The following SQSTM1 variants were observed in gnomAD, a reference collection of about 807,000 sequenced individuals.
SQSTM1 encodes sequestosome 1.
A neutral mutation model predicts 45.1 loss-of-function variants in SQSTM1; 36 were observed. The ratio of observed to expected loss-of-function variants is 0.80; its 90% CI spans 0.61 to 1.05. The LOEUF (loss-of-function observed/expected upper bound fraction) is 1.05, where lower values mean the gene tolerates loss of function less well. Ranked by LOEUF, SQSTM1 falls within the 50% of genes least tolerant of loss-of-function variation. The probability of loss-of-function intolerance (pLI) is 0.00; values close to 1 mark genes in which losing one functional copy is unlikely to be tolerated. For missense variants in SQSTM1, 617 were observed against 607.1 expected (o/e 1.02, Z -0.17); for synonymous variants, 290 against 244.3 (o/e 1.19, Z -1.74).
Position 179,822,946 on chromosome 5 carries a change from T to G in SQSTM1, c.206-12T>G. 1 of 1,613,866 alleles carries G rather than the reference T, an allele frequency of 6.2e-7. No individual in the cohort carries two copies. Among genetic ancestry groups the G allele is most frequent in the South Asian group, 1.1e-5 (1 of 91,078 alleles). On this transcript the variant is annotated splice_polypyrimidine_tract_variant and intron_variant, in intron 1 of 7. Coordinates refer to ENST00000389805, the MANE Select transcript of SQSTM1 (RefSeq NM_003900.5). ...CCCTGGGTGCTCACGTGCTGTCTTTTAAACAATCTAGATGAGGACGGGGAC... is the reference window on the plus strand; with the variant it reads ...CCCTGGGTGCTCACGTGCTGTCTTTGAAACAATCTAGATGAGGACGGGGAC...
intron 1 of SQSTM1, among the ~76,000 whole-genome samples, chr5:179,810,160 G>A (rs1164201136): frequency 1.3e-5 from 2 of 151,860 alleles, no homozygotes; most frequent in Non-Finnish European, 2.9e-5. Flanking sequence ...GGGTACATGT[G>A]CACAATTTGC....
intron 1 of SQSTM1, among the ~76,000 whole-genome samples, chr5:179,808,808 TTTTTTGG>T (rs1303799370): frequency 2.0e-5 from 3 of 151,886 alleles, no homozygotes; most frequent in African/African-American, 7.2e-5. Context: ...TAAAACAAAT[TTTTTTGG>T]ATTTTTTTGT....
chr5:179,823,977 A>C lies in SQSTM1; in HGVS notation c.421A>C (p.Lys141Gln), dbSNP rs1178495020. 1.9e-6 allele frequency: 3 copies of C among 1,613,896 alleles called. No individual in the cohort carries two copies. In the African/African-American group the frequency reaches 4.0e-5, roughly 22 times the overall value. ...CNGPVVGTRY[K>Q]CSVCPDYDLC... The stretch of plus-strand genomic sequence containing the variant: ...TGGGCCTGTGGTAGGAACCCGCTAC[A>C]AGTGCAGCGTCTGCCCAGACTACGA... The change falls in exon 3 of 8, where the codon AAG becomes CAG. Residue 141 changes from lysine (K) to glutamine (Q), a missense_variant. Coordinates refer to ENST00000389805, the MANE Select transcript of SQSTM1 (RefSeq NM_003900.5).
In SQSTM1 at chr5:179,823,020, G is replaced by A. The variant is rs181263868; in HGVS notation, c.268G>A (p.Val90Met). The change falls in exon 2 of 8, where the codon GTG becomes ATG. Residue 90 changes from valine to methionine, a missense_variant. Physicochemically the swap from Val to Met is conservative, Grantham distance 21. Coordinates refer to ENST00000389805, the MANE Select transcript of SQSTM1 (RefSeq NM_003900.5). Reference sequence around the variant, plus strand: ...GGAATTGACAATGGCCATGTCCTACGTGAAGGATGACATCTTCCGAATCTA... The same window carrying A: ...GGAATTGACAATGGCCATGTCCTACATGAAGGATGACATCTTCCGAATCTA... The part of the protein sequence containing the change: ...DEELTMAMSY[V>M]KDDIFRIYIK... 4.7e-5 allele frequency: 76 copies of A among 1,614,088 alleles called. No individual in the cohort carries two copies. Among genetic ancestry groups the A allele is most frequent in the East Asian group, 4.0e-4 (18 of 44,872 alleles).
intron 5 of SQSTM1, among the ~76,000 whole-genome samples, chr5:179,826,598 G>GTTT (rs549477595): frequency 0.014 from 2,011 of 142,180 alleles, 58 homozygotes; most frequent in African/African-American, 0.043. Context: ...TCGCTAGTCT[G>GTTT]TTTTTTTTTT....
At chr5:179,826,953 C>G (rs1758018922) in intron 5 of SQSTM1, among the ~76,000 whole-genome samples, 2 of 152,122 alleles carry the variant, frequency 1.3e-5, no homozygotes, top group South Asian at 2.1e-4. Context: ...GAGAGATCGG[C>G]TGTGCCTAAA....
intron 7 of SQSTM1, among the ~76,000 whole-genome samples, chr5:179,834,164 G>GGC (rs1666059334): frequency 2.1e-5 from 3 of 142,152 alleles, no homozygotes; most frequent in Admixed American, 7.4e-5. Context: ...AGAGGGGGGG[G>GGC]GGTCATAGCC....
chr5:179,836,776 T>G lies in SQSTM1; in HGVS notation c.*183T>G. On this transcript the variant is annotated 3_prime_UTR_variant, in exon 8 of 8. Coordinates refer to ENST00000389805, the MANE Select transcript of SQSTM1 (RefSeq NM_003900.5). ...CATGAAGGGAGGGTCCCTGTGTGTG[T>G]GTGTGCTGATGTTTCCTGGGTGCCC... is the stretch of plus-strand genomic sequence containing the variant. 3 of 890,996 alleles carry G rather than the reference T, an allele frequency of 3.4e-6. No individual in the cohort carries two copies. The highest frequency in any genetic ancestry group is 5.3e-6 in the Non-Finnish European group (3 of 561,562). 55.2% of individuals were successfully genotyped at this position (890,996 alleles called of 1,614,324 possible). A position where few individuals can be genotyped will look rare whatever the true frequency, so the allele number is the denominator to read the frequency against.
At chr5:179,807,956 G>C (rs1757253102) in intron 1 of SQSTM1, 2 of 152,272 alleles carry the variant, frequency 1.3e-5, no homozygotes, top group Non-Finnish European at 2.9e-5. Flanking sequence ...CGGCCCATTT[G>C]CGTTCTAATT....
intron 5 of SQSTM1, 56 bp from the exon 6 acceptor site, chr5:179,832,976 T>C (rs1582020668): frequency 6.4e-7 from 1 of 1,555,518 alleles, no homozygotes; most frequent in East Asian, 2.2e-5. Flanking sequence ...AGCTCCTGCT[T>C]GCAGGTGCAT....
At chr5:179,808,604 T>A (rs866589879) in intron 1 of SQSTM1, among the ~76,000 whole-genome samples, 32 of 151,168 alleles carry the variant, frequency 2.1e-4, no homozygotes, top group South Asian at 4.2e-4. Flanking sequence ...AATCACGAGG[T>A]CAGGAGATCG....
At position 179,823,008 on chromosome 5, in the gene SQSTM1, G is replaced by C. The variant is rs1208284061; in HGVS notation, c.256G>C (p.Ala86Pro). The change falls in exon 2 of 8, where the codon GCC becomes CCC. Residue 86 changes from alanine to proline, a missense_variant. Transcript: ENST00000389805. ...AFSSDEELTM[A>P]MSYVKDDIFR... ...TTCCAGTGACGAGGAATTGACAATG[G>C]CCATGTCCTACGTGAAGGATGACAT... The C allele has an allele frequency of 6.2e-7, 1 of 1,614,006 alleles. No homozygotes were observed. Among genetic ancestry groups the C allele is most frequent in the Non-Finnish European group, 8.5e-7 (1 of 1,180,020 alleles).
intron 5 of SQSTM1, among the ~76,000 whole-genome samples, chr5:179,831,941 G>A (rs1256562078): frequency 7.9e-5 from 12 of 151,898 alleles, no homozygotes; most frequent in Admixed American, 1.3e-4. Context: ...TTGCCACCAC[G>A]CCCAGCTGAT....
upstream of SQSTM1, among the ~76,000 whole-genome samples, chr5:179,819,388 G>A (rs908502759): frequency 2.0e-5 from 3 of 149,236 alleles, no homozygotes; most frequent in Non-Finnish European, 3.0e-5. Context: ...GATCCCAAAC[G>A]GGCCAAATGG....
intron 1 of SQSTM1, among the ~76,000 whole-genome samples, chr5:179,811,393 T>TGCAGGGGGAGGAGC (rs145068652): frequency 3.4e-4 from 3 of 8,852 alleles, no homozygotes; most frequent in African/African-American, 6.9e-4. Context: ...GGGGAGGAGC[T>TGCAGGGGGAGGAGC]ATGCAGGGGG....
At chr5:179,826,037 C>G (rs1401531726) in intron 5 of SQSTM1, among the ~76,000 whole-genome samples, 3 of 152,104 alleles carry the variant, frequency 2.0e-5, no homozygotes, top group African/African-American at 7.2e-5. Flanking sequence ...CAGGCTGTGT[C>G]CACCCAGCCT....
upstream of SQSTM1, among the ~76,000 whole-genome samples, chr5:179,816,113 C>T (rs568124722): frequency 6.6e-5 from 10 of 152,222 alleles, no homozygotes; most frequent in East Asian, 1.7e-3. Flanking sequence ...GCATTGGGAG[C>T]AAGAAGGGTT....
intron 1 of SQSTM1, among the ~76,000 whole-genome samples, chr5:179,821,965 A>G (rs1472600429): frequency 1.3e-5 from 2 of 151,876 alleles, no homozygotes; most frequent in Non-Finnish European, 1.5e-5. Flanking sequence ...AAAAATTGTG[A>G]TGTTATTGAG....
chr5:179,806,394 G>T (rs1757156950), upstream of SQSTM1: 3 of 751,476 alleles, frequency 4.0e-6, no homozygotes, highest in South Asian at 6.0e-5. The surrounding 1 kb of genome is among the most constrained non-coding windows in gnomAD (Gnocchi z 4.6). Context: ...GCCTGCGTCG[G>T]CTTCCGGCCG....
Sources: allele counts gnomAD v4.1 joint callset (sites outside exome capture counted in the v4.1 genomes callset), GRCh38; gene constraint gnomAD v4.1.1; non-coding constraint Gnocchi (gnomAD v3.1); transcripts MANE v1.5; gene names NCBI Gene and HGNC (gene_info 2026-07-23, HGNC 2026-07-21).